Variants in TGM3 observed in about 807,000 individuals in gnomAD.
The protein encoded by TGM3 is transglutaminase 3.
A neutral mutation model predicts 73.8 loss-of-function variants in TGM3; 52 were observed. That is an observed-to-expected ratio of 0.70 (90% confidence interval 0.56 to 0.89). TGM3 has a LOEUF of 0.89. TGM3 is among the 40% of genes least tolerant of loss of function. The pLI is 0.00. For synonymous variants in TGM3, 372 were observed against 354.9 expected, an observed-to-expected ratio of 1.05 and a Z score of -0.54; for missense variants, 928 against 909.9, an observed-to-expected ratio of 1.02 and a Z score of -0.26.
At chr20:2,337,171 G>C (rs958093009) in intron 11 of TGM3, among the ~76,000 whole-genome samples, 3 of 152,130 alleles carry the variant, frequency 2.0e-5, no homozygotes, top group Admixed American at 6.5e-5. Flanking sequence ...CCCTTGCTCG[G>C]GGCATGACTG....
At position 2,340,757 on chromosome 20, in the gene TGM3, GCT is replaced by G. The variant is rs2084377850; in HGVS notation, c.*177_*178del. ...CCCCTCTCCTCTCCCCCAGGTTGGG[GCT>G]GGGTCCACCCTGTCCTATGACTTGA... On this transcript the variant is annotated 3_prime_UTR_variant, in exon 13 of 13. Transcript: ENST00000381458. The G allele has an allele frequency of 4.7e-6, 4 of 849,188 alleles. No homozygotes were observed. The Admixed American group carries it at 8.1e-5, about 17-fold the overall frequency. 52.6% of individuals were successfully genotyped at this position (849,188 alleles called of 1,614,324 possible). A position where few individuals can be genotyped will look rare whatever the true frequency, so the allele number is the denominator to read the frequency against.
chr20:2,309,928 T>G, intron 2 of TGM3, 98 bp downstream of exon 2: 1 of 1,522,118 alleles, frequency 6.6e-7, no homozygotes, highest in Non-Finnish European at 9.0e-7. Context: ...CCACTGGCAT[T>G]GGGTTCTAGC....
At position 2,309,778 on chromosome 20, in the gene TGM3, C is replaced by T. The variant is rs187823474; in HGVS notation, c.129C>T (p.Ile43=). Residue 43 remains isoleucine, a synonymous_variant, in exon 2 of 13, where the codon ATC becomes ATT. Transcript: ENST00000381458. Reference sequence around the variant, plus strand: ...GCCAAAACTTCCAGGTCTTAATGATCATGAACAAAGGCCTTGGCTCTAACG... The same window carrying T: ...GCCAAAACTTCCAGGTCTTAATGATTATGAACAAAGGCCTTGGCTCTAACG... The part of the protein sequence containing the change: ...RRGQNFQVLM[I]MNKGLGSNER... The T allele has an allele frequency of 1.2e-6, 2 of 1,614,230 alleles. No individual in the cohort carries two copies. Among genetic ancestry groups the T allele is most frequent in the Non-Finnish European group, 1.7e-6 (2 of 1,180,030 alleles).
In TGM3 at chr20:2,317,412, G is replaced by C; in HGVS notation, c.910G>C (p.Asp304His). 1 of 1,614,232 alleles carries C rather than the reference G, an allele frequency of 6.2e-7. No individual in the cohort carries two copies. Among genetic ancestry groups the C allele is most frequent in the Non-Finnish European group, 8.5e-7 (1 of 1,180,044 alleles). Reference protein sequence around the residue: ...ITNFNSAHDTDRNLSVDVYYD... With the variant: ...ITNFNSAHDTHRNLSVDVYYD... ...CAACTTCAACTCAGCTCATGACACA[G>C]ACCGAAATCTCAGTGTGGATGTGTA... is the stretch of plus-strand genomic sequence containing the variant. Residue 304 changes from aspartate (D) to histidine (H), a missense_variant, in exon 7 of 13, where the codon GAC becomes CAC. Coordinates refer to ENST00000381458, the MANE Select transcript of TGM3 (RefSeq NM_003245.4).
At chr20:2,326,693 A>T (rs2084289729) in intron 8 of TGM3, among the ~76,000 whole-genome samples, 1 of 152,138 alleles carries the variant, frequency 6.6e-6, no homozygotes, top group South Asian at 2.1e-4. Flanking sequence ...TAGTAAAAAT[A>T]CAAAATTAGT....
At chr20:2,325,368 G>A (rs1403687957) in intron 7 of TGM3, among the ~76,000 whole-genome samples, 7 of 152,102 alleles carry the variant, frequency 4.6e-5, no homozygotes, top group Admixed American at 6.5e-5. Context: ...GCCAAGAGAC[G>A]GTGTGGCTCT....
chr20:2,309,874 A>C (rs748074963), intron 2 of TGM3, 44 bp downstream of exon 2: 19 of 1,611,142 alleles, frequency 1.2e-5, no homozygotes, highest in Middle Eastern at 1.6e-4. Context: ...CACATACTTG[A>C]GTAGCCCTTG....
At position 2,308,497 on chromosome 20, in the gene TGM3, A is replaced by G. The variant is rs191130438; in HGVS notation, c.8-1160A>G. On this transcript the variant is annotated intron_variant, in intron 1 of 12. Coordinates refer to ENST00000381458, the MANE Select transcript of TGM3 (RefSeq NM_003245.4). ...AAACCCTTCTCAGTTTAGCTCCGTCATCTTCACAACCATGTGAGAGTAAAT... is the reference window on the plus strand; with the variant it reads ...AAACCCTTCTCAGTTTAGCTCCGTCGTCTTCACAACCATGTGAGAGTAAAT... Among the ~76,000 whole-genome samples the G allele has an allele frequency of 1.7e-3, 252 of 152,364 alleles. 3 individuals carry two copies. The highest frequency in any genetic ancestry group is 5.7e-3 in the African/African-American group (236 of 41,592).
chr20:2,338,891 C>A (rs1025173703), intron 11 of TGM3, among the ~76,000 whole-genome samples: 1 of 152,184 alleles, frequency 6.6e-6, no homozygotes, highest in East Asian at 1.9e-4. Flanking sequence ...GAAGTTGAGG[C>A]GCAAAGAGAT....
chr20:2,316,910 T>C (rs540332404), intron 5 of TGM3, among the ~76,000 whole-genome samples, 158 bp from the exon 6 acceptor site: 10 of 152,314 alleles, frequency 6.6e-5, no homozygotes, highest in Admixed American at 3.9e-4. Flanking sequence ...AGTGTTACAA[T>C]GATCATCCCC....
rs779122404 is a variant in TGM3 at position 2,335,175 on chromosome 20, A to G, written c.1702A>G (p.Asn568Asp). Residue 568 changes from asparagine to aspartate, a missense_variant, in exon 11 of 13, where the codon AAC (asparagine) becomes GAC (aspartate). Coordinates refer to ENST00000381458, the MANE Select transcript of TGM3 (RefSeq NM_003245.4). ...AQYEKYLKSD[N>D]MIRITAVCKV... ...GTATGAGAAGTACCTGAAGTCAGAC[A>G]ACATGATCCGGATCACAGCGGTGTG... 1.2e-6 allele frequency: 2 copies of G among 1,614,242 alleles called. No homozygotes were observed. Among genetic ancestry groups the G allele is most frequent in the Admixed American group, 3.3e-5 (2 of 60,034 alleles).
rs1419689082 is a variant in TGM3 at position 2,310,350 on chromosome 20, C to T, written c.354C>T (p.Phe118=). 2.5e-6 allele frequency: 4 copies of T among 1,614,144 alleles called. No individual in the cohort carries two copies. In the African/African-American group the frequency reaches 5.3e-5, roughly 22 times the overall value. Residue 118 remains phenylalanine, a synonymous_variant, in exon 3 of 13, where the codon TTC becomes TTT. Coordinates refer to ENST00000381458, the MANE Select transcript of TGM3 (RefSeq NM_003245.4). ...IGRYTMALQI[F]SQGGISSVKL... ...GGTACACAATGGCCCTCCAGATCTT[C>T]TCCCAGGGCGGCATCTCCTCTGTGA...
At chr20:2,335,361 T>C in intron 11 of TGM3, 88 bp downstream of exon 11, 2 of 1,528,576 alleles carry the variant, frequency 1.3e-6, no homozygotes, top group Non-Finnish European at 1.8e-6. Flanking sequence ...GAGCCACAGC[T>C]CTCCCAGAGG....
In TGM3 at chr20:2,335,168, G is replaced by T. The variant is rs753977843; in HGVS notation, c.1695G>T (p.Lys565Asn). 17 of 1,614,106 alleles carry T rather than the reference G, an allele frequency of 1.1e-5. No individual in the cohort carries two copies. In the Admixed American group the frequency reaches 2.0e-4, roughly 19 times the overall value. ...ISYAQYEKYL[K>N]SDNMIRITAV... ...ACGCTCAGTATGAGAAGTACCTGAA[G>T]TCAGACAACATGATCCGGATCACAG... Residue 565 changes from lysine to asparagine, a missense_variant, in exon 11 of 13, where the codon AAG becomes AAT. By Grantham distance (94) the Lys-to-Asn change is moderately conservative. Transcript: ENST00000381458.
chr20:2,297,870 T>C (rs1241290544), intron 1 of TGM3, among the ~76,000 whole-genome samples: 1 of 152,182 alleles, frequency 6.6e-6, no homozygotes, highest in Non-Finnish European at 1.5e-5. Context: ...CGGTAGCTTT[T>C]AGTCTGATAT....
At position 2,310,315 on chromosome 20, in the gene TGM3, C is replaced by T; in HGVS notation, c.319C>T (p.Pro107Ser). ...CAGCATCTCCAGTCCTGCCAGCGCA[C>T]CCATAGGACGGTACACAATGGCCCT... ...TISISSPASAPIGRYTMALQI... is the reference protein window; with the variant it reads ...TISISSPASASIGRYTMALQI... The change falls in exon 3 of 13, where the codon CCC (proline) becomes TCC (serine). Residue 107 changes from proline to serine, a missense_variant. Transcript: ENST00000381458. 1.2e-6 allele frequency: 2 copies of T among 1,614,242 alleles called. No homozygotes were observed. The highest frequency in any genetic ancestry group is 1.7e-6 in the Non-Finnish European group (2 of 1,180,020).
intron 12 of TGM3, 49 bp downstream of exon 12, chr20:2,340,036 G>C: frequency 6.9e-7 from 1 of 1,438,896 alleles, no homozygotes; most frequent in East Asian, 2.4e-5. Flanking sequence ...GAGGGGGCGG[G>C]GGGGCCCTCC....
intron 4 of TGM3, among the ~76,000 whole-genome samples, chr20:2,312,421 A>AT (rs1491341142): frequency 7.0e-6 from 1 of 143,208 alleles, no homozygotes; most frequent in African/African-American, 2.8e-5. Context: ...AAAAAAAAAA[A>AT]GGATGGGAGG....
chr20:2,334,805 A>G lies in TGM3; in HGVS notation c.1643-311A>G, dbSNP rs2122252514. ...CAAATAATTTAAAAAATTTTAAAAA[A>G]AAAGGACACTTGCCCTCCAACATTT... On this transcript the variant is annotated intron_variant, in intron 10 of 12. Coordinates refer to ENST00000381458, the MANE Select transcript of TGM3 (RefSeq NM_003245.4). The surrounding 1 kb of genome is among the most constrained non-coding windows in gnomAD (Gnocchi z 4.0). Among the ~76,000 whole-genome samples, 1 of 152,350 alleles carries G rather than the reference A, an allele frequency of 6.6e-6. No homozygotes were observed. Among genetic ancestry groups the G allele is most frequent in the Non-Finnish European group, 1.5e-5 (1 of 68,038 alleles).
Sources: allele counts gnomAD v4.1 joint callset (sites outside exome capture counted in the v4.1 genomes callset), GRCh38; gene constraint gnomAD v4.1.1; non-coding constraint Gnocchi (gnomAD v3.1); transcripts MANE v1.5; gene names NCBI Gene and HGNC (gene_info 2026-07-23, HGNC 2026-07-21).